The following RPS6KA5 variants were observed in gnomAD, a reference collection of about 807,000 sequenced individuals.
The protein encoded by RPS6KA5 is ribosomal protein S6 kinase A5.
Under a neutral mutation model 85.5 loss-of-function variants are expected in RPS6KA5, and 27 were observed. The observed-to-expected ratio is 0.32, with a 90% CI of 0.23 to 0.44. The LOEUF (loss-of-function observed/expected upper bound fraction) is 0.44. Among genes scored for constraint, RPS6KA5 ranks in the 20% least tolerant of loss-of-function variants. RPS6KA5 has a pLI of 1.00. For missense variants in RPS6KA5, 811 were observed against 980.9 expected (o/e 0.83, Z 2.31); for synonymous variants, 334 against 348.2 (o/e 0.96, Z 0.46).
chr14:91,000,417 A>C (rs1433864304), intron 2 of RPS6KA5, among the ~76,000 whole-genome samples: 3 of 152,226 alleles, frequency 2.0e-5, no homozygotes, highest in Non-Finnish European at 4.4e-5. Flanking sequence ...AGTTGAACAA[A>C]GATTGAATAA....
At chr14:90,944,612 G>A (rs548551800) in intron 4 of RPS6KA5, among the ~76,000 whole-genome samples, 45 of 152,184 alleles carry the variant, frequency 3.0e-4, no homozygotes, top group African/African-American at 7.2e-4. Context: ...AAAATTAGCC[G>A]GGCGTGGTGG....
At chr14:90,887,796 A>T (rs7157347) in intron 14 of RPS6KA5, among the ~76,000 whole-genome samples, 11 of 56,116 alleles carry the variant, frequency 2.0e-4, no homozygotes, top group Non-Finnish European at 4.2e-4. Flanking sequence ...TTTTCTATTT[A>T]AAAAAAAAAA....
chr14:90,948,196 G>A (rs1008211532), intron 3 of RPS6KA5, among the ~76,000 whole-genome samples: 19 of 152,208 alleles, frequency 1.2e-4, no homozygotes, highest in Non-Finnish European at 2.2e-4. Context: ...GACATAAATA[G>A]GGGAGCTGGT....
At chr14:91,029,037 G>T (rs1247212405) in intron 1 of RPS6KA5, among the ~76,000 whole-genome samples, 1 of 152,148 alleles carries the variant, frequency 6.6e-6, no homozygotes, top group Non-Finnish European at 1.5e-5. Flanking sequence ...ACTTCTGGAA[G>T]TAAAAAGGCA....
chr14:91,000,100 C>A (rs530232521), intron 2 of RPS6KA5, among the ~76,000 whole-genome samples: 1 of 152,226 alleles, frequency 6.6e-6, no homozygotes, highest in East Asian at 1.9e-4. Context: ...GCCACCACGC[C>A]CGGGCACCTA....
At chr14:90,907,342 G>A (rs1412676359) in intron 7 of RPS6KA5, among the ~76,000 whole-genome samples, 1 of 152,202 alleles carries the variant, frequency 6.6e-6, no homozygotes, top group Admixed American at 6.5e-5. Context: ...TTGACCTTGT[G>A]TGACCTTGAG....
intron 1 of RPS6KA5, among the ~76,000 whole-genome samples, chr14:91,016,689 C>T (rs528646520): frequency 1.3e-5 from 2 of 152,178 alleles, no homozygotes; most frequent in African/African-American, 4.8e-5. Context: ...AAGTGGTATA[C>T]ACTCGGTTCT....
intron 1 of RPS6KA5, among the ~76,000 whole-genome samples, chr14:91,019,830 A>G (rs992006469): frequency 1.1e-4 from 17 of 152,188 alleles, no homozygotes; most frequent in Non-Finnish European, 2.1e-4. Flanking sequence ...ATCTGTACAT[A>G]CAGTCATGCA....
At chr14:91,053,338 T>C (rs2061603997) in intron 1 of RPS6KA5, among the ~76,000 whole-genome samples, 1 of 152,224 alleles carries the variant, frequency 6.6e-6, no homozygotes, top group African/African-American at 2.4e-5. Context: ...TATTGAACCA[T>C]AGTGAAGGTT....
At chr14:90,914,513 C>T (rs1344120035) in intron 7 of RPS6KA5, among the ~76,000 whole-genome samples, 2 of 151,886 alleles carry the variant, frequency 1.3e-5, no homozygotes, top group Non-Finnish European at 2.9e-5. Context: ...TGGGGTTTTG[C>T]CATGTTGGCC....
intron 14 of RPS6KA5, among the ~76,000 whole-genome samples, chr14:90,887,609 A>G (rs2034308278): frequency 6.6e-6 from 1 of 152,140 alleles, no homozygotes; most frequent in Admixed American, 6.5e-5. Context: ...TGGTATATAC[A>G]TAGTATATAA....
At chr14:90,961,080 C>G (rs2038772246) in intron 3 of RPS6KA5, among the ~76,000 whole-genome samples, 1 of 152,160 alleles carries the variant, frequency 6.6e-6, no homozygotes, top group African/African-American at 2.4e-5. Context: ...GGTGGCCCTC[C>G]TTAAAAGTTT....
chr14:91,052,829 T>A, intron 1 of RPS6KA5, among the ~76,000 whole-genome samples: 1 of 62,050 alleles, frequency 1.6e-5, no homozygotes. Flanking sequence ...CGAGACTCCA[T>A]CTCCAAAAAA....
chr14:90,910,937 G>A (rs1170553766), intron 7 of RPS6KA5, among the ~76,000 whole-genome samples: 2 of 151,934 alleles, frequency 1.3e-5, no homozygotes, highest in Non-Finnish European at 2.9e-5. Context: ...CTCCCACCTC[G>A]GCCTCCCAAA....
intron 14 of RPS6KA5, among the ~76,000 whole-genome samples, chr14:90,879,351 G>A (rs907710597): frequency 3.9e-5 from 6 of 152,244 alleles, no homozygotes; most frequent in Non-Finnish European, 7.3e-5. Flanking sequence ...GGTTCCCTAT[G>A]ATCAACTGAT....
chr14:91,022,370 T>C (rs568450857), intron 1 of RPS6KA5, among the ~76,000 whole-genome samples: 1 of 152,324 alleles, frequency 6.6e-6, no homozygotes, highest in East Asian at 1.9e-4. Context: ...AGTATATCAA[T>C]AATGTCCATG....
At chr14:90,990,674 T>C (rs1423097151) in intron 2 of RPS6KA5, among the ~76,000 whole-genome samples, 1 of 152,198 alleles carries the variant, frequency 6.6e-6, no homozygotes, top group East Asian at 1.9e-4. Context: ...AAAGAAAATA[T>C]GGTACATGTA....
chr14:90,991,153 A>G (rs779403209), intron 2 of RPS6KA5, among the ~76,000 whole-genome samples: 17 of 152,318 alleles, frequency 1.1e-4, no homozygotes, highest in Non-Finnish European at 2.2e-4. Flanking sequence ...AAAATGCAGT[A>G]TATGTTCTTA....
intron 7 of RPS6KA5, among the ~76,000 whole-genome samples, chr14:90,915,435 G>C (rs1048137236): frequency 6.6e-6 from 1 of 152,192 alleles, no homozygotes; most frequent in Non-Finnish European, 1.5e-5. Context: ...AAAGAGAGTT[G>C]TCAGGTTAGA....
Sources: allele counts gnomAD v4.1 joint callset (sites outside exome capture counted in the v4.1 genomes callset), GRCh38; gene constraint gnomAD v4.1.1; transcripts MANE v1.5; gene names NCBI Gene and HGNC (gene_info 2026-07-23, HGNC 2026-07-21).